Variants in TMEM234 observed in about 807,000 individuals in gnomAD.
The protein encoded by TMEM234 is transmembrane protein 234, also known as chromosome 1 open reading frame 91.
Under a neutral mutation model 17.8 loss-of-function variants are expected in TMEM234, and 21 were observed. The ratio of observed to expected loss-of-function variants is 1.18; its 90% CI spans 0.84 to 1.70. The LOEUF (loss-of-function observed/expected upper bound fraction) is 1.70, where lower values mean the gene tolerates loss of function less well. Ranked by LOEUF, TMEM234 falls within the 40% of genes most tolerant of loss-of-function variation. The pLI is 0.00. For missense variants in TMEM234, 137 were observed against 166.9 expected (o/e 0.82, Z 0.99); for synonymous variants, 83 against 73.5 (o/e 1.13, Z -0.66).
In TMEM234 at chr1:32,216,482, C is replaced by G; in HGVS notation, c.*371G>C. ...TCTGGCTCAAAGTCTGCAGCTGGCC[C>G]TTTCCATGCAGCTGGAGTTCTGCAG... On this transcript the variant is annotated 3_prime_UTR_variant, in exon 5 of 5. Coordinates refer to ENST00000309777, the MANE Select transcript of TMEM234 (RefSeq NM_019118.5). The G allele has an allele frequency of 6.4e-7, 1 of 1,551,768 alleles. No homozygotes were observed. The highest frequency in any genetic ancestry group is 8.7e-7 in the Non-Finnish European group (1 of 1,147,014).
In TMEM234 at chr1:32,221,862, CG is replaced by C; in HGVS notation, c.168+4del. On this transcript the variant is annotated splice_donor_region_variant and intron_variant, in intron 2 of 4. Coordinates refer to ENST00000309777, the MANE Select transcript of TMEM234 (RefSeq NM_019118.5). ...CCGAGAGAGGGGCCTTTCACAGAGA[CG>C]CACCTCAGTATTCAAGAAGAGGGTC... The C allele has an allele frequency of 1.2e-6, 2 of 1,613,000 alleles. No individual in the cohort carries two copies. Among genetic ancestry groups the C allele is most frequent in the African/African-American group, 1.3e-5 (1 of 74,970 alleles).
At chr1:32,215,075 G>A, downstream of TMEM234, 1 of 1,216,168 alleles carries the variant, frequency 8.2e-7, no homozygotes, top group Non-Finnish European at 1.1e-6. Context: ...AAAGATAAAG[G>A]AGTCTGAACC....
At chr1:32,214,876 G>A, downstream of TMEM234, 1 of 1,613,970 alleles carries the variant, frequency 6.2e-7, no homozygotes, top group Non-Finnish European at 8.5e-7. Flanking sequence ...TTCTATGCCA[G>A]ACCCCAGCAG....
At chr1:32,221,575 G>A (rs1328194709) in intron 2 of TMEM234, among the ~76,000 whole-genome samples, 2 of 152,196 alleles carry the variant, frequency 1.3e-5, no homozygotes, top group Non-Finnish European at 2.9e-5. Context: ...TTATGTAACT[G>A]AAGGAATCAC....
At position 32,221,138 on chromosome 1, in the gene TMEM234, T is replaced by G. The variant is rs777426776; in HGVS notation, c.228A>C (p.Ala76=). The change falls in exon 3 of 5, where the codon GCA becomes GCC. Residue 76 remains alanine, a synonymous_variant. Transcript: ENST00000309777. ...TTCCAAGCCAGGACCCACCTGTCGATGCCAAGGTGAGGTAATAGAGAAGGG... is the reference window on the plus strand; with the variant it reads ...TTCCAAGCCAGGACCCACCTGTCGAGGCCAAGGTGAGGTAATAGAGAAGGG... ...CGSLLYYLTL[A]STDLTLAVPI... The G allele has an allele frequency of 1.2e-6, 2 of 1,613,496 alleles. No homozygotes were observed. The highest frequency in any genetic ancestry group is 2.2e-5 in the South Asian group (2 of 90,914).
chr1:32,215,936 C>A, downstream of TMEM234: 1 of 1,492,278 alleles, frequency 6.7e-7, no homozygotes, highest in Non-Finnish European at 9.1e-7. Flanking sequence ...GACCACTACT[C>A]TGGCCACCTT....
At chr1:32,214,770 G>A, downstream of TMEM234, 1 of 1,613,104 alleles carries the variant, frequency 6.2e-7, no homozygotes, top group Middle Eastern at 1.7e-4. Context: ...CAGCAATCAG[G>A]GTCCAAGCCC....
chr1:32,216,426 G>A lies in TMEM234; in HGVS notation c.*427C>T, dbSNP rs1442881408. The A allele has an allele frequency of 6.4e-7, 1 of 1,551,636 alleles. No homozygotes were observed. Among genetic ancestry groups the A allele is most frequent in the Admixed American group, 2.0e-5 (1 of 50,990 alleles). ...ACCCCTCATTCAGCCAAAGCGCTCT[G>A]ACTGAGTCCCAGAGGCCTCCCGTTT... On this transcript the variant is annotated 3_prime_UTR_variant, in exon 5 of 5. Transcript: ENST00000309777.
Position 32,217,263 on chromosome 1 carries a change from T to C in TMEM234, c.324A>G (p.Gly108=), listed in dbSNP as rs757749829. Residue 108 remains glycine (G), a synonymous_variant, in exon 4 of 5, where the codon GGA becomes GGG. Transcript: ENST00000309777. ...VGKALGEDIG[G]KRAVAGMVLT... is the part of the protein sequence containing the mutation. ...ACTCGCAGTAGTCTAACTTACGTTT[T>C]CCACCAATATCTTCTCCAAGGGCCT... 12 of 1,614,180 alleles carry C rather than the reference T, an allele frequency of 7.4e-6. No homozygotes were observed. The highest frequency in any genetic ancestry group is 9.3e-6 in the Non-Finnish European group (11 of 1,180,042).
In TMEM234 at chr1:32,216,609, A is replaced by C; in HGVS notation, c.*244T>G. The C allele has an allele frequency of 6.5e-7, 1 of 1,537,634 alleles. No homozygotes were observed. Among genetic ancestry groups the C allele is most frequent in the Non-Finnish European group, 8.8e-7 (1 of 1,137,042 alleles). On this transcript the variant is annotated 3_prime_UTR_variant, in exon 5 of 5. Coordinates refer to ENST00000309777, the MANE Select transcript of TMEM234 (RefSeq NM_019118.5). ...CAGGAAGAGAGCTGCTGGGGCAGAAAGGTTGCTGAGGGTGAGCGTAGAGTC... is the reference window on the plus strand; with the variant it reads ...CAGGAAGAGAGCTGCTGGGGCAGAACGGTTGCTGAGGGTGAGCGTAGAGTC...
chr1:32,215,537 G>C, downstream of TMEM234: 1 of 1,613,260 alleles, frequency 6.2e-7, no homozygotes. Flanking sequence ...AGGAGCCCTT[G>C]GATCAGGTAA....
intron 3 of TMEM234, among the ~76,000 whole-genome samples, chr1:32,219,420 T>C (rs1557544689): frequency 6.6e-6 from 1 of 152,134 alleles, no homozygotes; most frequent in African/African-American, 2.4e-5. Context: ...TGAGACAGGG[T>C]CTCTCTCTGT....
intron 1 of TMEM234, 39 bp downstream of exon 1, chr1:32,222,268 G>T (rs200167446): frequency 1.2e-5 from 18 of 1,533,694 alleles, no homozygotes; most frequent in Non-Finnish European, 1.5e-5. Context: ...TCGAGGCGAG[G>T]GTCGGGAAAT....
chr1:32,219,765 C>T (rs754442460), intron 3 of TMEM234, among the ~76,000 whole-genome samples: 3 of 152,142 alleles, frequency 2.0e-5, no homozygotes, highest in Non-Finnish European at 4.4e-5. Context: ...GGATGCAGCA[C>T]GGTGCAGTGG....
In TMEM234 at chr1:32,221,153, A is replaced by C; in HGVS notation, c.213T>G (p.Tyr71Ter). The C allele has an allele frequency of 1.9e-6, 3 of 1,613,680 alleles. No individual in the cohort carries two copies. Among genetic ancestry groups the C allele is most frequent in the Non-Finnish European group, 2.5e-6 (3 of 1,179,878 alleles). Residue 71 changes from tyrosine to a stop codon, truncating the protein, a stop_gained, in exon 3 of 5, where the codon TAT becomes TAG. Coordinates refer to ENST00000309777, the MANE Select transcript of TMEM234 (RefSeq NM_019118.5). LOFTEE classifies it high-confidence loss of function. Reference sequence around the variant, plus strand: ...CACCTGTCGATGCCAAGGTGAGGTAATAGAGAAGGGATCCACACTGGTTGA... The same window carrying C: ...CACCTGTCGATGCCAAGGTGAGGTACTAGAGAAGGGATCCACACTGGTTGA... ...FLLNQCGSLL[Y>*]YLTLASTDLT...
At chr1:32,214,997 T>G, downstream of TMEM234, 2 of 1,591,688 alleles carry the variant, frequency 1.3e-6, no homozygotes, top group Non-Finnish European at 1.7e-6. Context: ...GGTTGGTCCC[T>G]GCTGTTGTTG....
chr1:32,215,084 C>G, downstream of TMEM234: 2 of 1,137,526 alleles, frequency 1.8e-6, no homozygotes, highest in Non-Finnish European at 2.4e-6. Context: ...GGAGTCTGAA[C>G]CTACTGTGGC....
chr1:32,214,848 C>A (rs752730834), downstream of TMEM234: 4 of 1,613,800 alleles, frequency 2.5e-6, no homozygotes, highest in Admixed American at 1.7e-5. Flanking sequence ...GGAACCAGAC[C>A]GAATTAAGCC....
downstream of TMEM234, chr1:32,216,060 C>T: frequency 1.4e-6 from 1 of 724,142 alleles, no homozygotes; most frequent in Non-Finnish European, 2.3e-6. Context: ...AACCCACAGC[C>T]CAGCCTTCCC....
Sources: allele counts gnomAD v4.1 joint callset (sites outside exome capture counted in the v4.1 genomes callset), GRCh38; gene constraint gnomAD v4.1.1; transcripts MANE v1.5; gene names NCBI Gene and HGNC (gene_info 2026-07-23, HGNC 2026-07-21).